Variants in CDC14B observed in about 807,000 individuals in gnomAD.
CDC14B encodes the protein cell division cycle 14B, also known as dual specificity protein phosphatase CDC14B.
Under a neutral mutation model 64.2 loss-of-function variants are expected in CDC14B, and 22 were observed. The ratio of observed to expected loss-of-function variants is 0.34; its 90% CI spans 0.24 to 0.49. The LOEUF (loss-of-function observed/expected upper bound fraction) is 0.49, where lower values mean the gene tolerates loss of function less well. Ranked by LOEUF, CDC14B falls within the 20% of genes least tolerant of loss-of-function variation. CDC14B has a pLI of 0.99. For synonymous variants in CDC14B, 191 were observed against 215.8 expected, an observed-to-expected ratio of 0.89 and a Z score of 1.01; for missense variants, 498 against 629.9, an observed-to-expected ratio of 0.79 and a Z score of 2.24.
At chr9:96,602,255 C>G (rs1846530905) in intron 1 of CDC14B, among the ~76,000 whole-genome samples, 1 of 152,098 alleles carries the variant, frequency 6.6e-6, no homozygotes, top group African/African-American at 2.4e-5. Context: ...CAGGGACCAG[C>G]AATACTGAGA....
chr9:96,530,914 T>A (rs553276730), intron 9 of CDC14B, among the ~76,000 whole-genome samples: 9 of 152,330 alleles, frequency 5.9e-5, no homozygotes, highest in Admixed American at 1.3e-4. Flanking sequence ...GCAGAGATGA[T>A]CGTATGGTTT....
downstream of CDC14B, among the ~76,000 whole-genome samples, chr9:96,495,825 T>C (rs1833216102): frequency 1.3e-5 from 2 of 152,266 alleles, no homozygotes; most frequent in Admixed American, 1.3e-4. Flanking sequence ...TGCGTGGGTG[T>C]TGCTGATTGA....
At chr9:96,613,870 T>C (rs1847466415) in intron 1 of CDC14B, among the ~76,000 whole-genome samples, 6 of 152,244 alleles carry the variant, frequency 3.9e-5, no homozygotes, top group Admixed American at 3.3e-4. Flanking sequence ...TGCATGACTA[T>C]TTTACATAGT....
At chr9:96,511,599 C>G (rs540875830) in intron 12 of CDC14B, among the ~76,000 whole-genome samples, 48 of 152,268 alleles carry the variant, frequency 3.2e-4, no homozygotes, top group African/African-American at 1.1e-3. Context: ...TTGTCTGGGC[C>G]AGCGGTCCCA....
chr9:96,564,985 G>T, intron 2 of CDC14B, 133 bp from the exon 3 acceptor site: 2 of 578,806 alleles, frequency 3.5e-6, no homozygotes, highest in East Asian at 3.0e-5. Flanking sequence ...ACAACTTAAA[G>T]GTACTGTTTT....
rs185223669 is a variant in CDC14B at position 96,583,900 on chromosome 9, A to T, written c.161-18417T>A. Among the ~76,000 whole-genome samples the T allele has an allele frequency of 2.7e-3, 412 of 151,892 alleles. 4 individuals carry two copies. Among genetic ancestry groups the T allele is most frequent in the African/African-American group, 9.4e-3 (391 of 41,418 alleles). On this transcript the variant is annotated intron_variant, in intron 1 of 13. Transcript: ENST00000375241. ...TGCCCAGCTAATTTTTTGTATTTTT[A>T]GTAGAGACGGGGTTTCAGCATGTTA...
At chr9:96,512,388 C>T (rs1311826382) in intron 12 of CDC14B, among the ~76,000 whole-genome samples, 6 of 147,872 alleles carry the variant, frequency 4.1e-5, no homozygotes, top group Admixed American at 6.8e-5. Context: ...AGTGCAGTGG[C>T]GCAATCATAG....
At chr9:96,590,221 T>C (rs1845698014) in intron 1 of CDC14B, among the ~76,000 whole-genome samples, 1 of 152,208 alleles carries the variant, frequency 6.6e-6, no homozygotes, top group Admixed American at 6.5e-5. Flanking sequence ...AGATACCCTA[T>C]ATACATGGAA....
At chr9:96,572,128 G>A (rs1004063413) in intron 1 of CDC14B, among the ~76,000 whole-genome samples, 2 of 152,112 alleles carry the variant, frequency 1.3e-5, no homozygotes, top group African/African-American at 2.4e-5. Context: ...CCAACTCCAC[G>A]GTGTCAGAAG....
At chr9:96,498,361 A>G (rs1189888194), downstream of CDC14B, among the ~76,000 whole-genome samples, 1 of 152,202 alleles carries the variant, frequency 6.6e-6, no homozygotes, top group African/African-American at 2.4e-5. Context: ...AGGCCACAGA[A>G]GTGGCGGAGC....
chr9:96,535,337 TAA>T (rs1839136629), intron 7 of CDC14B, among the ~76,000 whole-genome samples: 1 of 152,032 alleles, frequency 6.6e-6, no homozygotes, highest in South Asian at 2.1e-4. Flanking sequence ...AATAAATAAA[TAA>T]ATGCACTGAA....
downstream of CDC14B, among the ~76,000 whole-genome samples, chr9:96,496,787 C>G (rs1833265707): frequency 6.6e-6 from 1 of 152,240 alleles, no homozygotes; most frequent in Non-Finnish European, 1.5e-5. Context: ...CTTCCTCCAG[C>G]TCCTTCCTCT....
chr9:96,508,876 G>C (rs1202954869), intron 13 of CDC14B, among the ~76,000 whole-genome samples: 2 of 152,204 alleles, frequency 1.3e-5, no homozygotes, highest in African/African-American at 4.8e-5. Context: ...TACACGTGCA[G>C]GACATTTTAA....
intron 1 of CDC14B, among the ~76,000 whole-genome samples, chr9:96,581,858 T>C (rs992940477): frequency 2.6e-5 from 4 of 152,192 alleles, no homozygotes; most frequent in South Asian, 2.1e-4. Context: ...CCAGCACAGA[T>C]ATAAGGTTAA....
chr9:96,544,511 T>A (rs1411972455), intron 5 of CDC14B, among the ~76,000 whole-genome samples: 1 of 152,170 alleles, frequency 6.6e-6, no homozygotes, highest in African/African-American at 2.4e-5. Flanking sequence ...TTTTCTTTTT[T>A]TGAGACACGG....
At chr9:96,606,715 C>T (rs987537331) in intron 1 of CDC14B, among the ~76,000 whole-genome samples, 4 of 151,798 alleles carry the variant, frequency 2.6e-5, no homozygotes, top group East Asian at 3.9e-4. Context: ...TACAGGCACA[C>T]GCCACCACGC....
At position 96,541,823 on chromosome 9, in the gene CDC14B, C is replaced by G. The variant is rs764060329; in HGVS notation, c.564+3G>C. The G allele has an allele frequency of 6.3e-7, 1 of 1,595,820 alleles. No homozygotes were observed. On this transcript the variant is annotated splice_donor_region_variant and intron_variant, in intron 6 of 13. Coordinates refer to ENST00000375241, the MANE Select transcript of CDC14B (RefSeq NM_033331.4). Reference sequence around the variant, plus strand: ...CACTGGGTGCATCCTACATGTCACTCACCTTCTTTACTGCATGAAAACAGT... The same window carrying G: ...CACTGGGTGCATCCTACATGTCACTGACCTTCTTTACTGCATGAAAACAGT...
At chr9:96,552,536 T>A (rs889237056) in intron 4 of CDC14B, among the ~76,000 whole-genome samples, 3 of 152,182 alleles carry the variant, frequency 2.0e-5, no homozygotes, top group Non-Finnish European at 2.9e-5. Flanking sequence ...CTACTATGCG[T>A]AGGATTTTTG....
At chr9:96,510,289 G>A (rs10820746) in intron 12 of CDC14B, among the ~76,000 whole-genome samples, 24,786 of 152,170 alleles carry the variant, frequency 0.16, 2,085 homozygotes, top group Non-Finnish European at 0.18. Context: ...TTTAGAAAGT[G>A]TTTAAGCAAA....
Sources: allele counts gnomAD v4.1 joint callset (sites outside exome capture counted in the v4.1 genomes callset), GRCh38; gene constraint gnomAD v4.1.1; transcripts MANE v1.5; gene names NCBI Gene and HGNC (gene_info 2026-07-23, HGNC 2026-07-21).